The following KCNG4 variants were observed in gnomAD, a reference collection of about 807,000 sequenced individuals.
KCNG4 encodes the protein voltage-gated potassium channel regulatory subunit KCNG4.
KCNG4 carries 30 observed loss-of-function variants against 28.2 expected under a neutral mutation model. The ratio of observed to expected loss-of-function variants is 1.06; its 90% CI spans 0.80 to 1.44. The LOEUF (loss-of-function observed/expected upper bound fraction) is 1.44. KCNG4 is among the 40% of genes most tolerant of loss of function. The probability of loss-of-function intolerance (pLI) is 0.00; values close to 1 mark genes in which losing one functional copy is unlikely to be tolerated. For synonymous variants in KCNG4, 375 were observed against 315.5 expected, an observed-to-expected ratio of 1.19 and a Z score of -2.00; for missense variants, 879 against 712.3, an observed-to-expected ratio of 1.23 and a Z score of -2.66.
Position 84,237,046 on chromosome 16 carries a change from AGCTCCTCC to A in KCNG4, c.432_439del (p.Gln144HisfsTer168). ...GGCCTCCTCGATGCCCCAGTAGGCC[AGCTCCTCC>A]TGGAAGGACAGCGCGCACATCTCCT... On this transcript the variant is annotated frameshift_variant, in exon 2 of 3. Transcript: ENST00000308251. LOFTEE classifies it high-confidence loss of function. 1 of 1,614,088 alleles carries A rather than the reference AGCTCCTCC, an allele frequency of 6.2e-7. No individual in the cohort carries two copies. Among genetic ancestry groups the A allele is most frequent in the South Asian group, 1.1e-5 (1 of 91,074 alleles).
intron 2 of KCNG4, among the ~76,000 whole-genome samples, chr16:84,228,117 C>T (rs1904738491): frequency 6.6e-6 from 1 of 152,234 alleles, no homozygotes; most frequent in Admixed American, 6.5e-5. Flanking sequence ...CACGCAGCAG[C>T]AGAGCGGGGC....
intron 2 of KCNG4, among the ~76,000 whole-genome samples, chr16:84,232,896 CAAA>C (rs60683135): frequency 1.9e-5 from 2 of 108,002 alleles, no homozygotes; most frequent in African/African-American, 3.8e-5. Context: ...GAAACCCTAT[CAAA>C]AAAAAAAAAA....
Position 84,236,790 on chromosome 16 carries a change from G to A in KCNG4, c.696C>T (p.Ala232=), listed in dbSNP as rs1904963335. 6.2e-7 allele frequency: 1 copy of A among 1,613,804 alleles called. No homozygotes were observed. The highest frequency in any genetic ancestry group is 1.1e-5 in the South Asian group (1 of 91,084). The part of the protein sequence containing the change: ...VFACLSILFV[A]TTAVSLCVST... ...TGACACACAGGCTGACGGCTGTGGT[G>A]GCCACGAAGAGGATGGAGAGGCAAG... Residue 232 remains alanine (A), a synonymous_variant, in exon 2 of 3, where the codon GCC becomes GCT. Transcript: ENST00000308251.
At position 84,222,116 on chromosome 16, in the gene KCNG4, GC is replaced by G; in HGVS notation, c.*100del. The G allele has an allele frequency of 8.1e-7, 1 of 1,229,018 alleles. No individual in the cohort carries two copies. The highest frequency in any genetic ancestry group is 1.2e-6 in the Non-Finnish European group (1 of 855,578). The allele number at this position is 1,229,018 out of a possible 1,614,324, so 76.1% of individuals were successfully genotyped here. ...CTCCAGCTTTGAAAGTCTTCCCTGG[GC>G]TCTAGAAACACCACCAGGTGGTCTA... On this transcript the variant is annotated 3_prime_UTR_variant, in exon 3 of 3. Transcript: ENST00000308251.
chr16:84,235,644 G>A (rs1597621283), intron 2 of KCNG4: 1 of 152,194 alleles, frequency 6.6e-6, no homozygotes, highest in Admixed American at 6.5e-5. Flanking sequence ...TATCTGGCAA[G>A]TTCTCTGATC....
At chr16:84,231,779 G>A (rs894685133) in intron 2 of KCNG4, among the ~76,000 whole-genome samples, 2 of 152,152 alleles carry the variant, frequency 1.3e-5, no homozygotes, top group East Asian at 1.9e-4. Flanking sequence ...AGAGGAGGGC[G>A]GATCACCTGA....
At position 84,221,950 on chromosome 16, in the gene KCNG4, G is replaced by A; in HGVS notation, c.*267C>T. On this transcript the variant is annotated 3_prime_UTR_variant, in exon 3 of 3. Coordinates refer to ENST00000308251, the MANE Select transcript of KCNG4 (RefSeq NM_172347.3). ...AAGGAAAAGAGAATGAAAGGAGACTGAGCTACTCCAGCAAGATTGGACATG... is the reference window on the plus strand; with the variant it reads ...AAGGAAAAGAGAATGAAAGGAGACTAAGCTACTCCAGCAAGATTGGACATG... 2 of 497,740 alleles carry A rather than the reference G, an allele frequency of 4.0e-6. No homozygotes were observed. The highest frequency in any genetic ancestry group is 7.1e-6 in the Non-Finnish European group (2 of 279,804). The allele number at this position is 497,740 out of a possible 1,614,324, so 30.8% of individuals were successfully genotyped here. A position where few individuals can be genotyped will look rare whatever the true frequency, so the allele number is the denominator to read the frequency against.
intron 2 of KCNG4, among the ~76,000 whole-genome samples, chr16:84,231,870 G>T (rs1382278961): frequency 1.3e-5 from 2 of 152,128 alleles, no homozygotes; most frequent in African/African-American, 4.8e-5. Flanking sequence ...TGGGGATGGT[G>T]TTGGGTGCCT....
At chr16:84,223,750 T>G (rs1274015062) in intron 2 of KCNG4, among the ~76,000 whole-genome samples, 1 of 152,194 alleles carries the variant, frequency 6.6e-6, no homozygotes, top group Non-Finnish European at 1.5e-5. Flanking sequence ...GTAACTTTGT[T>G]GTTTACCACC....
intron 2 of KCNG4, 32 bp from the exon 3 acceptor site, chr16:84,223,052 G>C (rs1904618148): frequency 2.0e-6 from 3 of 1,490,024 alleles, no homozygotes; most frequent in South Asian, 1.4e-5. Flanking sequence ...ACGCGGGGTA[G>C]AGAGTGGACT....
intron 2 of KCNG4, chr16:84,235,471 A>G (rs948917388): frequency 6.6e-6 from 1 of 152,174 alleles, no homozygotes; most frequent in African/African-American, 2.4e-5. Context: ...TGGCATTGTC[A>G]TCTTCTCCAT....
chr16:84,231,499 A>G (rs1429312764), intron 2 of KCNG4, among the ~76,000 whole-genome samples: 1 of 152,176 alleles, frequency 6.6e-6, no homozygotes, highest in African/African-American at 2.4e-5. Context: ...CGAGGGATGC[A>G]TGGCAGGGAG....
chr16:84,238,746 T>C (rs1212621870), intron 1 of KCNG4, among the ~76,000 whole-genome samples: 10 of 152,178 alleles, frequency 6.6e-5, no homozygotes, highest in African/African-American at 2.4e-4. Context: ...CATGTACCTG[T>C]AGTCCCAGCT....
chr16:84,236,766 G>A lies in KCNG4; in HGVS notation c.720C>T (p.Val240=), dbSNP rs776428349. The A allele has an allele frequency of 1.9e-6, 3 of 1,613,698 alleles. No individual in the cohort carries two copies. Among genetic ancestry groups the A allele is most frequent in the Non-Finnish European group, 1.7e-6 (2 of 1,179,990 alleles). ...FVATTAVSLC[V]STMPDLRAEE... is the part of the protein sequence containing the mutation. ...CTGCCCTGAGGTCGGGCATGGTGCT[G>A]ACACACAGGCTGACGGCTGTGGTGG... The change falls in exon 2 of 3, where the codon GTC becomes GTT. Residue 240 remains valine, a synonymous_variant. Coordinates refer to ENST00000308251, the MANE Select transcript of KCNG4 (RefSeq NM_172347.3).
intron 1 of KCNG4, among the ~76,000 whole-genome samples, chr16:84,238,590 C>T (rs978440671): frequency 1.5e-4 from 23 of 152,342 alleles, no homozygotes; most frequent in African/African-American, 5.5e-4. Flanking sequence ...AATGAAGGGG[C>T]CTCCAGCCGC....
At chr16:84,236,081 T>G (rs1418146537) in intron 2 of KCNG4, 1 of 152,158 alleles carries the variant, frequency 6.6e-6, no homozygotes, top group Non-Finnish European at 1.5e-5. Flanking sequence ...GAGTTTCCCA[T>G]CCAGTGAGAC....
rs1042716394 is a variant in KCNG4, at chr16:84,221,192, C to A, written c.*1025G>T. Reference sequence around the variant, plus strand: ...AATGTGAGCTAAGAATGTCTATCCTCCAGCATGGAGATGACTAGTCTGGGA... The same window carrying A: ...AATGTGAGCTAAGAATGTCTATCCTACAGCATGGAGATGACTAGTCTGGGA... On this transcript the variant is annotated 3_prime_UTR_variant, in exon 3 of 3. Coordinates refer to ENST00000308251, the MANE Select transcript of KCNG4 (RefSeq NM_172347.3). 2 of 152,278 alleles carry A rather than the reference C, an allele frequency of 1.3e-5. No individual in the cohort carries two copies. Among genetic ancestry groups the A allele is most frequent in the African/African-American group, 4.8e-5 (2 of 41,456 alleles). The allele number at this position is 152,278 out of a possible 1,614,324, so 9.4% of individuals were successfully genotyped here. A position where few individuals can be genotyped will look rare whatever the true frequency, so the allele number is the denominator to read the frequency against.
chr16:84,230,196 G>C (rs1280129342), intron 2 of KCNG4, among the ~76,000 whole-genome samples: 1 of 152,154 alleles, frequency 6.6e-6, no homozygotes, highest in Non-Finnish European at 1.5e-5. Flanking sequence ...CCTGAGGTCA[G>C]GAGTTCGAAA....
chr16:84,237,576 G>C, intron 1 of KCNG4, 51 bp from the exon 2 acceptor site: 1 of 1,322,740 alleles, frequency 7.6e-7, no homozygotes, highest in Non-Finnish European at 9.9e-7. Context: ...ATCAGTCTTG[G>C]GGCAAAGAGT....
Sources: gnomAD v4.1 joint callset for allele counts (sites outside exome capture counted in the v4.1 genomes callset) on GRCh38, gnomAD v4.1.1 for gene constraint, MANE v1.5 for transcripts, NCBI Gene and HGNC (gene_info 2026-07-23, HGNC 2026-07-21) for gene names.